STAG1: variants seen among roughly 807,000 people sequenced by gnomAD.
STAG1 encodes the protein STAG1 cohesin complex component, also known as cohesin subunit SA-1.
A neutral mutation model predicts 170.9 loss-of-function variants in STAG1; 26 were observed. The observed-to-expected ratio is 0.15, with a 90% CI of 0.11 to 0.21. STAG1 has a LOEUF of 0.21. Ranked by LOEUF, STAG1 falls within the 10% of genes least tolerant of loss-of-function variation. STAG1 has a pLI of 1.00. For synonymous variants in STAG1, 514 were observed against 497.7 expected (o/e 1.03, Z -0.44); for missense variants, 964 against 1,509.5 (o/e 0.64, Z 5.99).
chr3:136,622,799 C>T (rs1156354285), intron 3 of STAG1, among the ~76,000 whole-genome samples: 2 of 152,136 alleles, frequency 1.3e-5, no homozygotes, highest in Admixed American at 6.5e-5. Context: ...GAGACTGGCC[C>T]CAAACTCCAA....
intron 25 of STAG1, among the ~76,000 whole-genome samples, chr3:136,364,574 CTA>C (rs1032721379): frequency 6.6e-6 from 1 of 152,168 alleles, no homozygotes; most frequent in African/African-American, 2.4e-5. Flanking sequence ...ACTTTGTGCA[CTA>C]TCTCATCCCT....
chr3:136,627,847 TC>T (rs1940173840), intron 2 of STAG1, among the ~76,000 whole-genome samples: 1 of 152,196 alleles, frequency 6.6e-6, no homozygotes. Context: ...TCTACCTCTT[TC>T]TATCTCCAGG....
At chr3:136,574,529 A>G (rs922160030) in intron 4 of STAG1, among the ~76,000 whole-genome samples, 2 of 152,194 alleles carry the variant, frequency 1.3e-5, no homozygotes, top group African/African-American at 4.8e-5. Flanking sequence ...CGTAAGAAAC[A>G]TGTTGTGGTT....
At chr3:136,696,458 G>T (rs1436549793) in intron 1 of STAG1, among the ~76,000 whole-genome samples, 3 of 152,108 alleles carry the variant, frequency 2.0e-5, no homozygotes, top group Admixed American at 6.6e-5. Flanking sequence ...TTCTATAATG[G>T]TGGGTGCATG....
intron 3 of STAG1, among the ~76,000 whole-genome samples, chr3:136,615,861 A>T (rs1241646484): frequency 6.6e-6 from 1 of 152,152 alleles, no homozygotes; most frequent in Admixed American, 6.6e-5. Flanking sequence ...AAAGACAAAG[A>T]CCAAAGGTAG....
At chr3:136,731,745 AT>A (rs1274409543) in intron 1 of STAG1, among the ~76,000 whole-genome samples, 3 of 152,250 alleles carry the variant, frequency 2.0e-5, no homozygotes, top group African/African-American at 2.4e-5. Flanking sequence ...AATGAGCAAA[AT>A]TACACGAAAA....
chr3:136,721,272 G>A (rs779446555), intron 1 of STAG1: 53 of 152,184 alleles, frequency 3.5e-4, no homozygotes, highest in African/African-American at 1.0e-3. Context: ...GGAAATAGAA[G>A]ATTTAAAAAT....
At chr3:136,526,575 G>A (rs912686780) in intron 6 of STAG1, among the ~76,000 whole-genome samples, 1 of 152,068 alleles carries the variant, frequency 6.6e-6, no homozygotes, top group Non-Finnish European at 1.5e-5. Context: ...TCTTTTAATT[G>A]GAGCATTTAG....
intron 9 of STAG1, among the ~76,000 whole-genome samples, chr3:136,489,904 C>A (rs2107842944): frequency 6.6e-6 from 1 of 152,110 alleles, no homozygotes; most frequent in East Asian, 1.9e-4. Context: ...AGAAGGTGGT[C>A]AAGGAAGGCT....
chr3:136,338,568 T>A, intron 32 of STAG1, 118 bp from the exon 33 acceptor site: 1 of 701,114 alleles, frequency 1.4e-6, no homozygotes, highest in Non-Finnish European at 2.4e-6. Flanking sequence ...AGAGTCAATT[T>A]TGAAAGGAAG....
chr3:136,405,111 A>G (rs748734369), intron 21 of STAG1, among the ~76,000 whole-genome samples: 3 of 152,118 alleles, frequency 2.0e-5, no homozygotes, highest in Admixed American at 6.6e-5. Flanking sequence ...GACTGGGTTA[A>G]TATGAGCGAC....
At chr3:136,458,773 C>A (rs1280220870) in intron 13 of STAG1, among the ~76,000 whole-genome samples, 1 of 151,968 alleles carries the variant, frequency 6.6e-6, no homozygotes, top group Non-Finnish European at 1.5e-5. Context: ...TTATATTATG[C>A]CGTAAGAAAC....
At chr3:136,341,260 A>G (rs1013768316) in intron 31 of STAG1, among the ~76,000 whole-genome samples, 181 bp downstream of exon 31, 1 of 152,248 alleles carries the variant, frequency 6.6e-6, no homozygotes, top group African/African-American at 2.4e-5. Context: ...CAAGTGGCAG[A>G]GCTAGGATTT....
chr3:136,669,459 T>A (rs1187900181), intron 1 of STAG1, among the ~76,000 whole-genome samples: 1 of 151,960 alleles, frequency 6.6e-6, no homozygotes, highest in Admixed American at 6.6e-5. Context: ...GCTCAAGCAA[T>A]CCCCCCAGCT....
chr3:136,749,574 C>A (rs1468492646), intron 1 of STAG1, among the ~76,000 whole-genome samples: 5 of 151,888 alleles, frequency 3.3e-5, no homozygotes, highest in African/African-American at 1.2e-4. Flanking sequence ...GGTGAAACCC[C>A]GTCTCCACTA....
At chr3:136,449,359 G>C (rs758887405) in intron 14 of STAG1, among the ~76,000 whole-genome samples, 1 of 152,058 alleles carries the variant, frequency 6.6e-6, no homozygotes, top group African/African-American at 2.4e-5. Context: ...TTAGGAGTTC[G>C]AGACCAGCCA....
chr3:136,621,480 T>C (rs1939845734), intron 3 of STAG1, among the ~76,000 whole-genome samples: 1 of 152,194 alleles, frequency 6.6e-6, no homozygotes, highest in South Asian at 2.1e-4. Flanking sequence ...GGAACTAGAA[T>C]AGTCAACAGC....
At chr3:136,689,585 T>G (rs1054107769) in intron 1 of STAG1, among the ~76,000 whole-genome samples, 3 of 152,240 alleles carry the variant, frequency 2.0e-5, no homozygotes, top group Admixed American at 2.0e-4. Flanking sequence ...TTTCTAATTC[T>G]GTTTTTCAGC....
intron 1 of STAG1, among the ~76,000 whole-genome samples, chr3:136,643,763 C>T (rs1940887909): frequency 1.3e-5 from 2 of 152,106 alleles, no homozygotes; most frequent in South Asian, 2.1e-4. Context: ...CCTGCCTCAG[C>T]CTCCCAAAGT....
Sources: gnomAD v4.1 joint callset for allele counts (sites outside exome capture counted in the v4.1 genomes callset) on GRCh38, gnomAD v4.1.1 for gene constraint, MANE v1.5 for transcripts, NCBI Gene and HGNC (gene_info 2026-07-23, HGNC 2026-07-21) for gene names.